Variants in GMEB1 observed in about 807,000 individuals in gnomAD.
The protein encoded by GMEB1 is glucocorticoid modulatory element-binding protein 1.
GMEB1 carries 6 observed loss-of-function variants against 52.4 expected under a neutral mutation model. The observed-to-expected ratio is 0.11, with a 90% CI of 0.06 to 0.23. The LOEUF (loss-of-function observed/expected upper bound fraction) is 0.23. GMEB1 is among the 10% of genes least tolerant of loss of function. The pLI, the probability that GMEB1 is intolerant of heterozygous loss-of-function variation, is 1.00. For synonymous variants in GMEB1, 255 were observed against 244.9 expected (o/e 1.04, Z -0.38); for missense variants, 486 against 685.6 (o/e 0.71, Z 3.25).
At position 28,702,502 on chromosome 1, in the gene GMEB1, A is replaced by G; in HGVS notation, c.663A>G (p.Ser221=). 2 of 1,613,496 alleles carry G rather than the reference A, an allele frequency of 1.2e-6. No individual in the cohort carries two copies. The highest frequency in any genetic ancestry group is 1.1e-5 in the South Asian group (1 of 91,072). The change falls in exon 7 of 10, where the codon TCA becomes TCG. Residue 221 remains serine (S), a synonymous_variant. Transcript: ENST00000373816. The part of the protein sequence containing the change: ...SMEEAGLEWN[S]ALTAAVTMAT... ...AAGAGGCAGGGCTGGAATGGAACTC[A>G]GCTCTCACCGCTGCTGTCACCATGG... is the stretch of plus-strand genomic sequence containing the variant.
chr1:28,708,425 A>G (rs1461761248), intron 8 of GMEB1, among the ~76,000 whole-genome samples: 1 of 151,484 alleles, frequency 6.6e-6, no homozygotes, highest in Non-Finnish European at 1.5e-5. Flanking sequence ...CGGCCTCCCA[A>G]AGTGCTGGGA....
At chr1:28,695,592 A>T (rs187970961) in intron 5 of GMEB1, among the ~76,000 whole-genome samples, 6 of 151,776 alleles carry the variant, frequency 4.0e-5, no homozygotes, top group Non-Finnish European at 8.8e-5. Flanking sequence ...GTTTTTATTT[A>T]AAAAATTTTT....
chr1:28,714,417 A>AAGAG lies in GMEB1; in HGVS notation c.1337_1340dup (p.Ser447ArgfsTer15). ...CTATGCCACAGTGGTCTCCTCTGCC[A>AAGAG]AGAGCAGCTCACCAGACACAGTGAC... On this transcript the variant is annotated frameshift_variant, in exon 10 of 10. Transcript: ENST00000373816. LOFTEE classifies it high-confidence loss of function. 6.2e-7 allele frequency: 1 copy of AAGAG among 1,614,190 alleles called. No homozygotes were observed. Among genetic ancestry groups the AAGAG allele is most frequent in the Non-Finnish European group, 8.5e-7 (1 of 1,180,016 alleles).
chr1:28,669,060 G>A (rs1013338940), intron 1 of GMEB1, among the ~76,000 whole-genome samples: 1 of 146,712 alleles, frequency 6.8e-6, no homozygotes, highest in East Asian at 2.0e-4. Flanking sequence ...CGCTGCCGCT[G>A]GGTCCGCCCG....
chr1:28,709,624 G>C (rs2124583657), intron 8 of GMEB1, among the ~76,000 whole-genome samples: 1 of 152,124 alleles, frequency 6.6e-6, no homozygotes, highest in South Asian at 2.1e-4. Context: ...TTCCAGGCTG[G>C]AGTGCAGTGG....
rs1671300860 is a variant in GMEB1, at chr1:28,717,253, GATCTCAGCT to G, written c.*2481_*2489del. 6.7e-6 allele frequency: 1 copy of G among 148,912 alleles called. No individual in the cohort carries two copies. The highest frequency in any genetic ancestry group is 2.2e-4 in the South Asian group (1 of 4,516). 9.2% of individuals were successfully genotyped at this position (148,912 alleles called of 1,614,324 possible). On this transcript the variant is annotated 3_prime_UTR_variant, in exon 10 of 10. Transcript: ENST00000373816. ...AGCCCAGGCTGGAGTGCAATGGTGT[GATCTCAGCT>G]CACTGCAACCTCCGCCTCCTTGGTT...
intron 2 of GMEB1, among the ~76,000 whole-genome samples, chr1:28,689,320 C>T (rs1052868015): frequency 6.6e-6 from 1 of 152,034 alleles, no homozygotes; most frequent in Admixed American, 6.6e-5. Flanking sequence ...GCCACCATGC[C>T]CGGCCCATTT....
At chr1:28,710,018 G>T (rs1670972929) in intron 8 of GMEB1, among the ~76,000 whole-genome samples, 1 of 151,964 alleles carries the variant, frequency 6.6e-6, no homozygotes, top group South Asian at 2.1e-4. Flanking sequence ...GTGGTGGCAG[G>T]CACCTGTAGT....
At chr1:28,682,204 T>TG in intron 1 of GMEB1, among the ~76,000 whole-genome samples, 1 of 152,268 alleles carries the variant, frequency 6.6e-6, no homozygotes. Flanking sequence ...TCATTAAGAT[T>TG]GGGACAATGC....
Position 28,687,219 on chromosome 1 carries a change from C to T in GMEB1, c.129-2885C>T, listed in dbSNP as rs187132664. ...AGATGTGGTGGCATATGCCTGTAGT[C>T]CCAGCTACTCAAGAGGCTGAGGTGA... On this transcript the variant is annotated intron_variant, in intron 2 of 9. Coordinates refer to ENST00000373816, the MANE Select transcript of GMEB1 (RefSeq NM_001319674.2). 3.3e-3 allele frequency among the ~76,000 whole-genome samples: 502 copies of T among 151,256 alleles called. 3 individuals carry two copies. Among genetic ancestry groups the T allele is most frequent in the Non-Finnish European group, 4.9e-3 (332 of 67,888 alleles).
intron 1 of GMEB1, among the ~76,000 whole-genome samples, chr1:28,673,657 T>G (rs1376753031): frequency 1.3e-5 from 2 of 152,198 alleles, no homozygotes; most frequent in Non-Finnish European, 2.9e-5. Context: ...ATCATTTGTT[T>G]AGTTTTCTGG....
chr1:28,686,547 T>C (rs1172932601), intron 2 of GMEB1, among the ~76,000 whole-genome samples: 1 of 147,146 alleles, frequency 6.8e-6, no homozygotes, highest in East Asian at 2.0e-4. Context: ...GAGAATTGCT[T>C]GAGTCTGGGA....
At chr1:28,683,521 G>A (rs1669492163) in intron 1 of GMEB1, 62 bp from the exon 2 acceptor site, 1 of 1,384,908 alleles carries the variant, frequency 7.2e-7, no homozygotes, top group Non-Finnish European at 9.8e-7. Flanking sequence ...GAGCCACCAT[G>A]CCCGGCCTGT....
intron 2 of GMEB1, among the ~76,000 whole-genome samples, chr1:28,687,638 C>T (rs1332361991): frequency 1.3e-5 from 2 of 151,906 alleles, no homozygotes; most frequent in Non-Finnish European, 2.9e-5. Context: ...GAGGAAATCA[C>T]ATGATTAATC....
intron 1 of GMEB1, among the ~76,000 whole-genome samples, chr1:28,677,477 G>A (rs973749741): frequency 2.0e-5 from 3 of 152,124 alleles, no homozygotes; most frequent in Non-Finnish European, 2.9e-5. Flanking sequence ...GATTACAGGC[G>A]TGAGCCACCG....
intron 1 of GMEB1, among the ~76,000 whole-genome samples, chr1:28,672,520 G>A (rs909815259): frequency 6.6e-6 from 1 of 151,480 alleles, no homozygotes; most frequent in Non-Finnish European, 1.5e-5. Flanking sequence ...ACCACGCCCG[G>A]CCTACTTTTT....
chr1:28,712,844 A>C (rs550521035), intron 9 of GMEB1, among the ~76,000 whole-genome samples: 24 of 149,488 alleles, frequency 1.6e-4, no homozygotes, highest in African/African-American at 5.9e-4. Context: ...TCAAAAAAAA[A>C]GAGATATAAA....
chr1:28,682,682 A>G (rs1669447057), intron 1 of GMEB1, among the ~76,000 whole-genome samples: 1 of 151,826 alleles, frequency 6.6e-6, no homozygotes, highest in Non-Finnish European at 1.5e-5. Flanking sequence ...TTATTAAGCA[A>G]CTACATGATA....
chr1:28,700,220 T>C (rs1268535721), intron 6 of GMEB1, among the ~76,000 whole-genome samples: 1 of 150,272 alleles, frequency 6.7e-6, no homozygotes, highest in Non-Finnish European at 1.5e-5. Flanking sequence ...ATATAAAAAT[T>C]AGCTGGGCAT....
Sources: allele counts gnomAD v4.1 joint callset (sites outside exome capture counted in the v4.1 genomes callset), GRCh38; gene constraint gnomAD v4.1.1; transcripts MANE v1.5; gene names NCBI Gene and HGNC (gene_info 2026-07-23, HGNC 2026-07-21).